The following EXOC6B variants were observed in gnomAD, a reference collection of about 807,000 sequenced individuals.
The protein encoded by EXOC6B is exocyst complex component 6B.
EXOC6B carries 54 observed loss-of-function variants against 113.5 expected under a neutral mutation model. That is an observed-to-expected ratio of 0.48 (90% CI 0.38 to 0.60). The LOEUF is 0.60. Ranked by LOEUF, EXOC6B falls within the 20% of genes least tolerant of loss-of-function variation. EXOC6B has a pLI of 0.00. For synonymous variants in EXOC6B, 357 were observed against 339.0 expected, an observed-to-expected ratio of 1.05 and a Z score of -0.58; for missense variants, 797 against 977.5, an observed-to-expected ratio of 0.82 and a Z score of 2.46.
chr2:72,474,974 G>C (rs908357710), intron 17 of EXOC6B, among the ~76,000 whole-genome samples: 7 of 152,134 alleles, frequency 4.6e-5, no homozygotes, highest in Non-Finnish European at 1.0e-4. Context: ...TTGTTATTTT[G>C]AGTGCAGTAG....
intron 17 of EXOC6B, among the ~76,000 whole-genome samples, chr2:72,473,977 T>C (rs1698567446): frequency 6.6e-6 from 1 of 152,144 alleles, no homozygotes; most frequent in South Asian, 2.1e-4. Flanking sequence ...CTTTTGCTTG[T>C]ATGAGAAAGA....
intron 15 of EXOC6B, among the ~76,000 whole-genome samples, chr2:72,493,241 G>T (rs1023438803): frequency 6.6e-6 from 1 of 151,448 alleles, no homozygotes; most frequent in Non-Finnish European, 1.5e-5. Context: ...ATGGTTTTCG[G>T]ACTACTTAGT....
At chr2:72,318,488 G>C (rs1687656460) in intron 20 of EXOC6B, among the ~76,000 whole-genome samples, 1 of 152,094 alleles carries the variant, frequency 6.6e-6, no homozygotes, top group South Asian at 2.1e-4. Flanking sequence ...CCGCCTCCTG[G>C]GTTCAAGCAA....
chr2:72,623,229 T>G (rs1671853417), intron 6 of EXOC6B, among the ~76,000 whole-genome samples: 1 of 152,182 alleles, frequency 6.6e-6, no homozygotes, highest in Admixed American at 6.5e-5. Context: ...CAGTGGGGTG[T>G]TCTCTTCCAA....
rs113916800 is a variant in EXOC6B, at chr2:72,257,936, A to G, written c.2197-73749T>C. Among the ~76,000 whole-genome samples, 599 of 151,916 alleles carry G rather than the reference A, an allele frequency of 3.9e-3. 3 individuals carry two copies. Among genetic ancestry groups the G allele is most frequent in the Middle Eastern group, 6.8e-3 (2 of 294 alleles). ...AGAAATATCTCAGTCAAGTGCTAGGACTCTTCCCACGATTCTGTTTTAAGT... is the reference window on the plus strand; with the variant it reads ...AGAAATATCTCAGTCAAGTGCTAGGGCTCTTCCCACGATTCTGTTTTAAGT... On this transcript the variant is annotated intron_variant, in intron 20 of 21. Transcript: ENST00000272427.
chr2:72,548,924 A>C (rs1168381659), intron 8 of EXOC6B, among the ~76,000 whole-genome samples: 1 of 152,142 alleles, frequency 6.6e-6, no homozygotes, highest in Non-Finnish European at 1.5e-5. Flanking sequence ...AAAATAAATA[A>C]GTGTGTGAAC....
intron 14 of EXOC6B, among the ~76,000 whole-genome samples, chr2:72,495,847 A>G (rs1422267599): frequency 2.0e-5 from 3 of 152,242 alleles, no homozygotes; most frequent in Non-Finnish European, 2.9e-5. Flanking sequence ...ATTATGTTAT[A>G]TCAAAGAAGT....
At chr2:72,506,587 A>T (rs1358387718) in intron 11 of EXOC6B, among the ~76,000 whole-genome samples, 1 of 152,196 alleles carries the variant, frequency 6.6e-6, no homozygotes, top group Non-Finnish European at 1.5e-5. Flanking sequence ...GACTTAAATG[A>T]ATATCTTATA....
At chr2:72,798,661 G>A (rs993581052) in intron 1 of EXOC6B, among the ~76,000 whole-genome samples, 1 of 151,902 alleles carries the variant, frequency 6.6e-6, no homozygotes, top group African/African-American at 2.4e-5. Context: ...AGTAACTAAA[G>A]TATTCCATAT....
intron 8 of EXOC6B, among the ~76,000 whole-genome samples, chr2:72,517,443 C>T (rs770268735): frequency 3.4e-4 from 52 of 152,050 alleles, no homozygotes; most frequent in African/African-American, 7.2e-4. Context: ...TGTATACACC[C>T]GAGTTTTTCC....
chr2:72,622,758 T>C (rs973482361), intron 6 of EXOC6B, among the ~76,000 whole-genome samples: 15 of 151,398 alleles, frequency 9.9e-5, no homozygotes, highest in African/African-American at 3.2e-4. Flanking sequence ...AATAAATATA[T>C]GAAAACATCA....
chr2:72,302,561 A>G (rs1686595384), intron 20 of EXOC6B, among the ~76,000 whole-genome samples: 2 of 152,192 alleles, frequency 1.3e-5, no homozygotes, highest in Admixed American at 1.3e-4. Flanking sequence ...TGTTGAATTG[A>G]ACCCTTTACC....
At chr2:72,723,107 C>A (rs1680107779) in intron 5 of EXOC6B, among the ~76,000 whole-genome samples, 1 of 152,148 alleles carries the variant, frequency 6.6e-6, no homozygotes, top group Non-Finnish European at 1.5e-5. Context: ...ACCTGTATAG[C>A]AGGCACCAAA....
At chr2:72,566,167 T>C (rs977432044) in intron 7 of EXOC6B, among the ~76,000 whole-genome samples, 8 of 152,182 alleles carry the variant, frequency 5.3e-5, no homozygotes, top group African/African-American at 1.9e-4. Context: ...AAATTCCCTA[T>C]GCCCCTTTGT....
chr2:72,560,168 A>G (rs1357860185), intron 7 of EXOC6B, among the ~76,000 whole-genome samples: 2 of 152,166 alleles, frequency 1.3e-5, no homozygotes, highest in Non-Finnish European at 2.9e-5. Flanking sequence ...AGAAAGTAAA[A>G]GAAAAAAACA....
At chr2:72,566,895 T>C (rs1462916923) in intron 7 of EXOC6B, among the ~76,000 whole-genome samples, 1 of 152,030 alleles carries the variant, frequency 6.6e-6, no homozygotes, top group Non-Finnish European at 1.5e-5. Context: ...TTTCAAAATA[T>C]ATTTCAAATA....
intron 18 of EXOC6B, among the ~76,000 whole-genome samples, chr2:72,457,015 A>G (rs1007568450): frequency 7.3e-4 from 111 of 151,234 alleles, no homozygotes; most frequent in African/African-American, 2.5e-3. Flanking sequence ...TGGGGGGGAA[A>G]AAAAAAAAAG....
intron 1 of EXOC6B, among the ~76,000 whole-genome samples, chr2:72,797,882 C>G (rs1189217354): frequency 6.6e-6 from 1 of 151,652 alleles, no homozygotes; most frequent in Non-Finnish European, 1.5e-5. Context: ...TTCATCCCTA[C>G]CCCCCAATGG....
At chr2:72,479,264 T>C (rs951288854) in intron 17 of EXOC6B, among the ~76,000 whole-genome samples, 1 of 152,202 alleles carries the variant, frequency 6.6e-6, no homozygotes, top group African/African-American at 2.4e-5. Context: ...CCTAATCACA[T>C]AGATACATAA....
Sources: gnomAD v4.1 joint callset for allele counts (sites outside exome capture counted in the v4.1 genomes callset) on GRCh38, gnomAD v4.1.1 for gene constraint, MANE v1.5 for transcripts, NCBI Gene and HGNC (gene_info 2026-07-23, HGNC 2026-07-21) for gene names.